OR1M1: variants seen among roughly 807,000 people sequenced by gnomAD.
OR1M1 encodes olfactory receptor family 1 subfamily M member 1, also known as olfactory receptor 1M1.
For synonymous variants in OR1M1, 157 were observed against 165.5 expected, an observed-to-expected ratio of 0.95 and a Z score of 0.39; for missense variants, 397 against 401.8, an observed-to-expected ratio of 0.99 and a Z score of 0.10.
chr19:9,091,207 G>A (rs918401731), intron 1 of OR1M1, among the ~76,000 whole-genome samples: 3 of 152,038 alleles, frequency 2.0e-5, no homozygotes, highest in Non-Finnish European at 4.4e-5. Context: ...GAAAGTTCAG[G>A]CTGGGAGCAA....
chr19:9,091,238 G>A (rs1292603536), intron 1 of OR1M1, among the ~76,000 whole-genome samples: 2 of 151,942 alleles, frequency 1.3e-5, no homozygotes, highest in East Asian at 1.9e-4. Context: ...CCATAATCCC[G>A]GCACTTTGGG....
At chr19:9,090,796 C>T (rs542770019) in intron 1 of OR1M1, among the ~76,000 whole-genome samples, 14 of 151,988 alleles carry the variant, frequency 9.2e-5, no homozygotes, top group African/African-American at 2.9e-4. Context: ...GATTAGTGAA[C>T]TTGGCAACTC....
intron 1 of OR1M1, among the ~76,000 whole-genome samples, chr19:9,088,771 C>T (rs2050277645): frequency 6.6e-6 from 1 of 151,890 alleles, no homozygotes; most frequent in African/African-American, 2.4e-5. Context: ...GCCTGTAATC[C>T]CAGCTACTCG....
chr19:9,093,797 C>T lies in OR1M1; in HGVS notation c.553C>T (p.Leu185Phe), dbSNP rs753881984. 3.1e-6 allele frequency: 5 copies of T among 1,614,020 alleles called. No individual in the cohort carries two copies. In the Admixed American group the frequency reaches 6.7e-5, roughly 22 times the overall value. Residue 185 changes from leucine (L) to phenylalanine (F), a missense_variant, in exon 2 of 2, where the codon CTC becomes TTC. Leu to Phe is a conservative substitution (Grantham distance 22). Coordinates refer to ENST00000641627, the MANE Select transcript of OR1M1 (RefSeq NM_001004456.2). Reference protein sequence around the residue: ...PHYFCDLTPILRLSCTDTSVN... With the variant: ...PHYFCDLTPIFRLSCTDTSVN... ...CTACTTCTGCGACCTCACTCCCATC[C>T]TCCGACTTTCGTGCACGGACACCTC...
At position 9,093,865 on chromosome 19, in the gene OR1M1, A is replaced by T; in HGVS notation, c.621A>T (p.Ile207=). ...IFILIVAGMV[I]ATPFVCILAS... is the part of the protein sequence containing the mutation. ...TCCTCATTGTGGCAGGGATGGTGAT[A>T]GCCACGCCCTTTGTCTGCATCCTGG... Residue 207 remains isoleucine (I), a synonymous_variant, in exon 2 of 2, where the codon ATA becomes ATT. Transcript: ENST00000641627. The T allele has an allele frequency of 6.2e-7, 1 of 1,614,112 alleles. No individual in the cohort carries two copies. The highest frequency in any genetic ancestry group is 2.2e-5 in the East Asian group (1 of 44,874).
At chr19:9,089,443 G>C (rs1454327288) in intron 1 of OR1M1, among the ~76,000 whole-genome samples, 2 of 126,402 alleles carry the variant, frequency 1.6e-5, no homozygotes, top group Non-Finnish European at 3.2e-5. Flanking sequence ...TTTTTTTTGA[G>C]ACAGAGTTTC....
At chr19:9,093,062 C>T (rs929424749) in intron 1 of OR1M1, 170 bp from the exon 2 acceptor site, 13 of 440,072 alleles carry the variant, frequency 3.0e-5, no homozygotes, top group African/African-American at 2.1e-5. Flanking sequence ...TACACACACA[C>T]ATATATATTC....
intron 1 of OR1M1, among the ~76,000 whole-genome samples, chr19:9,091,123 T>C (rs2335070): frequency 0.15 from 22,123 of 151,568 alleles, 1,920 homozygotes; most frequent in East Asian, 0.24. Context: ...GCCGAGATCG[T>C]GCCACCGCAC....
At position 9,093,548 on chromosome 19, in the gene OR1M1, T is replaced by C. The variant is rs148703570; in HGVS notation, c.304T>C (p.Tyr102His). 5.3e-5 allele frequency: 86 copies of C among 1,614,064 alleles called. No individual in the cohort carries two copies. The highest frequency in any genetic ancestry group is 7.1e-5 in the Non-Finnish European group (84 of 1,180,048). ...ISYPCCLIQM[Y>H]FFHFFGIVDS... ...TTATCCCTGCTGCCTGATCCAGATGTACTTCTTCCATTTCTTTGGCATCGT... is the reference window on the plus strand; with the variant it reads ...TTATCCCTGCTGCCTGATCCAGATGCACTTCTTCCATTTCTTTGGCATCGT... Residue 102 changes from tyrosine to histidine, a missense_variant, in exon 2 of 2, where the codon TAC becomes CAC. Tyr to His is a moderately conservative substitution (Grantham distance 83, BLOSUM62 2). Coordinates refer to ENST00000641627, the MANE Select transcript of OR1M1 (RefSeq NM_001004456.2).
intron 1 of OR1M1, 22 bp from the exon 2 acceptor site, chr19:9,093,210 C>A (rs761380980): frequency 2.1e-6 from 3 of 1,458,690 alleles, no homozygotes; most frequent in Non-Finnish European, 1.9e-6. Flanking sequence ...ATTCCTATAA[C>A]CTCCCCTTTC....
In OR1M1 at chr19:9,093,417, C is replaced by A; in HGVS notation, c.173C>A (p.Pro58His). The change falls in exon 2 of 2, where the codon CCC becomes CAC. Residue 58 changes from proline to histidine, a missense_variant. Coordinates refer to ENST00000641627, the MANE Select transcript of OR1M1 (RefSeq NM_001004456.2). ...AGCATAGACTCCCACCTCCACACCC[C>A]CATGTACTTCTTCCTGGCCAACCTG... ...AISIDSHLHT[P>H]MYFFLANLSL... is the part of the protein sequence containing the mutation. 1 of 1,614,036 alleles carries A rather than the reference C, an allele frequency of 6.2e-7. No homozygotes were observed. Among genetic ancestry groups the A allele is most frequent in the Non-Finnish European group, 8.5e-7 (1 of 1,180,022 alleles).
Position 9,093,870 on chromosome 19 carries a change from C to T in OR1M1, c.626C>T (p.Thr209Met), listed in dbSNP as rs767614328. 47 of 1,614,018 alleles carry T rather than the reference C, an allele frequency of 2.9e-5. No individual in the cohort carries two copies. The East Asian group carries it at 3.3e-4, about 11-fold the overall frequency. ...ILIVAGMVIATPFVCILASYA... is the reference protein window; with the variant it reads ...ILIVAGMVIAMPFVCILASYA... ...ATTGTGGCAGGGATGGTGATAGCCA[C>T]GCCCTTTGTCTGCATCCTGGCCTCC... Residue 209 changes from threonine to methionine, a missense_variant, in exon 2 of 2, where the codon ACG (threonine) becomes ATG (methionine). By Grantham distance (81) the Thr-to-Met change is moderately conservative. Coordinates refer to ENST00000641627, the MANE Select transcript of OR1M1 (RefSeq NM_001004456.2).
intron 1 of OR1M1, among the ~76,000 whole-genome samples, chr19:9,092,860 G>A (rs977376091): frequency 4.0e-5 from 6 of 150,812 alleles, no homozygotes; most frequent in African/African-American, 7.3e-5. Flanking sequence ...GAGATTGCAC[G>A]ACTGTACTCC....
At chr19:9,092,683 C>G (rs1447101841) in intron 1 of OR1M1, among the ~76,000 whole-genome samples, 1 of 151,868 alleles carries the variant, frequency 6.6e-6, no homozygotes, top group African/African-American at 2.4e-5. Flanking sequence ...GGGCGGATCA[C>G]GAGGTCAGGA....
chr19:9,088,888 CAAA>C lies in OR1M1; in HGVS notation c.-14+1743_-14+1745del, dbSNP rs56097294. On this transcript the variant is annotated intron_variant, in intron 1 of 1. Transcript: ENST00000641627. ...GAGCAACAAGAGCGAAACTCTGTCT[CAAA>C]AAAAAAAAAAATACTCTGACTCCTT... Among the ~76,000 whole-genome samples, 1,063 of 149,022 alleles carry C rather than the reference CAAA, an allele frequency of 7.1e-3. 17 individuals are homozygous for C. The highest frequency in any genetic ancestry group is 0.022 in the African/African-American group (890 of 40,676).
chr19:9,091,952 C>T (rs577010209), intron 1 of OR1M1, among the ~76,000 whole-genome samples: 2 of 152,004 alleles, frequency 1.3e-5, no homozygotes, highest in African/African-American at 4.8e-5. Flanking sequence ...GCTCTGTCAC[C>T]AGGCTGGAGT....
At chr19:9,087,202 T>A (rs2050269596) in intron 1 of OR1M1, 45 bp downstream of exon 1, 1 of 152,082 alleles carries the variant, frequency 6.6e-6, no homozygotes, top group African/African-American at 2.4e-5. Context: ...ACTGAACGAA[T>A]GTTGGTAAAA....
rs143932998 is a variant in OR1M1, at chr19:9,093,871, G to A, written c.627G>A (p.Thr209=). 194 of 1,613,998 alleles carry A rather than the reference G, an allele frequency of 1.2e-4. 1 individual carries two copies. The South Asian group carries it at 2.0e-3, about 16-fold the overall frequency. ...ILIVAGMVIA[T]PFVCILASYA... ...TTGTGGCAGGGATGGTGATAGCCAC[G>A]CCCTTTGTCTGCATCCTGGCCTCCT... Residue 209 remains threonine (T), a synonymous_variant, in exon 2 of 2, where the codon ACG becomes ACA. Transcript: ENST00000641627.
chr19:9,095,252 T>C lies in OR1M1; in HGVS notation c.*1066T>C, dbSNP rs1262030704. The stretch of plus-strand genomic sequence containing the variant: ...CCACTTCACTTATTTAGCCACGCAG[T>C]CTGCGGTGTTTTGTTATAACCAGCC... On this transcript the variant is annotated 3_prime_UTR_variant, in exon 2 of 2. Coordinates refer to ENST00000641627, the MANE Select transcript of OR1M1 (RefSeq NM_001004456.2). 2 of 152,206 alleles carry C rather than the reference T, an allele frequency of 1.3e-5. No homozygotes were observed. Among genetic ancestry groups the C allele is most frequent in the African/African-American group, 4.8e-5 (2 of 41,454 alleles). 9.4% of individuals were successfully genotyped at this position (152,206 alleles called of 1,614,324 possible).
Sources: allele counts gnomAD v4.1 joint callset (sites outside exome capture counted in the v4.1 genomes callset), GRCh38; gene constraint gnomAD v4.1.1; transcripts MANE v1.5; gene names NCBI Gene and HGNC (gene_info 2026-07-23, HGNC 2026-07-21).